Variants in FMN1 observed in about 807,000 individuals in gnomAD.
The protein encoded by FMN1 is formin-1.
A neutral mutation model predicts 132.4 loss-of-function variants in FMN1; 110 were observed. The observed-to-expected ratio is 0.83, with a 90% CI of 0.71 to 0.97. FMN1 has a LOEUF of 0.97. FMN1 is among the 50% of genes least tolerant of loss of function. FMN1 has a pLI of 0.00. For synonymous variants in FMN1, 722 were observed against 651.7 expected, an observed-to-expected ratio of 1.11 and a Z score of -1.64; for missense variants, 1,792 against 1,705.3, an observed-to-expected ratio of 1.05 and a Z score of -0.90.
chr15:33,058,498 T>C (rs755976058), intron 6 of FMN1, among the ~76,000 whole-genome samples: 202 of 152,336 alleles, frequency 1.3e-3, no homozygotes, highest in Admixed American at 2.2e-3. Context: ...CAATGAACGG[T>C]AGTTGAATGA....
intron 3 of FMN1, among the ~76,000 whole-genome samples, chr15:33,171,202 C>A (rs1965309206): frequency 6.6e-6 from 1 of 152,014 alleles, no homozygotes; most frequent in Non-Finnish European, 1.5e-5. Flanking sequence ...TTATAGTTTC[C>A]AGAGACTGAG....
At chr15:32,981,908 C>CCTTT (rs2032706365) in intron 7 of FMN1, among the ~76,000 whole-genome samples, 3 of 152,144 alleles carry the variant, frequency 2.0e-5, no homozygotes, top group African/African-American at 7.2e-5. Flanking sequence ...TTAGACAGAC[C>CCTTT]CTTTCACAAT....
chr15:33,174,753 C>CA (rs538053235), intron 3 of FMN1, among the ~76,000 whole-genome samples: 4 of 152,112 alleles, frequency 2.6e-5, no homozygotes, highest in Admixed American at 6.5e-5. Context: ...GTTGCCAGCT[C>CA]CCATACTGTG....
intron 9 of FMN1, among the ~76,000 whole-genome samples, chr15:32,949,742 A>C (rs2061583583): frequency 1.3e-5 from 2 of 151,670 alleles, no homozygotes; most frequent in African/African-American, 4.8e-5. Flanking sequence ...ACACAGCAAA[A>C]GAAACTATCA....
At chr15:33,168,425 A>G (rs750380056) in intron 3 of FMN1, among the ~76,000 whole-genome samples, 1 of 152,220 alleles carries the variant, frequency 6.6e-6, no homozygotes, top group African/African-American at 2.4e-5. Flanking sequence ...AAAACACATA[A>G]TGTTTGCAAA....
rs1310590380 is a variant in FMN1, at chr15:32,975,078, T to TA, written c.2224-5602dup. On this transcript the variant is annotated intron_variant, in intron 7 of 20. Transcript: ENST00000616417. The stretch of plus-strand genomic sequence containing the variant: ...TTTCACACATGCTGTTTCATCTACT[T>TA]AGAGAACCTTTTATCCATTTTCGCC... Among the ~76,000 whole-genome samples the TA allele has an allele frequency of 3.9e-5, 6 of 152,332 alleles. 1 individual carries two copies. The East Asian group carries it at 9.6e-4, about 24-fold the overall frequency.
At chr15:33,168,423 T>G (rs570459006) in intron 3 of FMN1, among the ~76,000 whole-genome samples, 1 of 152,256 alleles carries the variant, frequency 6.6e-6, no homozygotes, top group East Asian at 1.9e-4. Flanking sequence ...AAAAAACACA[T>G]AATGTTTGCA....
chr15:32,858,894 A>G (rs768779974), intron 16 of FMN1, among the ~76,000 whole-genome samples: 1 of 152,176 alleles, frequency 6.6e-6, no homozygotes, highest in African/African-American at 2.4e-5. Context: ...TCTGTGGCCA[A>G]ATGGTAAGTA....
chr15:33,118,305 C>T (rs549937613), intron 4 of FMN1, among the ~76,000 whole-genome samples: 114 of 152,100 alleles, frequency 7.5e-4, no homozygotes, highest in Non-Finnish European at 1.4e-3. Flanking sequence ...GTTTAACATC[C>T]AGTCCATTTG....
intron 16 of FMN1, among the ~76,000 whole-genome samples, chr15:32,887,031 A>T (rs1393567300): frequency 1.3e-5 from 2 of 152,220 alleles, no homozygotes; most frequent in Non-Finnish European, 2.9e-5. Context: ...AAAATAATAT[A>T]CAAGATAAAA....
At chr15:32,971,191 T>C (rs776511423) in intron 7 of FMN1, among the ~76,000 whole-genome samples, 1 of 152,246 alleles carries the variant, frequency 6.6e-6, no homozygotes, top group Non-Finnish European at 1.5e-5. Context: ...TATAAAATAG[T>C]AGGCATTATG....
chr15:33,121,334 C>T (rs917761109), intron 4 of FMN1, among the ~76,000 whole-genome samples: 3 of 152,178 alleles, frequency 2.0e-5, no homozygotes, highest in African/African-American at 7.2e-5. Flanking sequence ...GACCACATGG[C>T]GGATTCAGGG....
At chr15:33,017,849 G>A (rs2035152204) in intron 6 of FMN1, among the ~76,000 whole-genome samples, 2 of 152,172 alleles carry the variant, frequency 1.3e-5, no homozygotes, top group Admixed American at 1.3e-4. Flanking sequence ...CGGATTTCCT[G>A]AGGTCAGGAG....
At chr15:33,186,966 G>A (rs1288023510) in intron 2 of FMN1, among the ~76,000 whole-genome samples, 1 of 152,022 alleles carries the variant, frequency 6.6e-6, no homozygotes, top group Non-Finnish European at 1.5e-5. Flanking sequence ...ATTCCATCTG[G>A]CCCACCTTGG....
intron 4 of FMN1, among the ~76,000 whole-genome samples, chr15:33,092,809 T>G (rs766053799): frequency 2.6e-5 from 4 of 152,224 alleles, no homozygotes; most frequent in Admixed American, 1.3e-4. Flanking sequence ...TTAAACCTTT[T>G]CAGCTGAGGG....
chr15:33,160,535 A>G (rs1414126926), intron 3 of FMN1, among the ~76,000 whole-genome samples: 4 of 152,124 alleles, frequency 2.6e-5, no homozygotes, highest in Admixed American at 6.5e-5. Flanking sequence ...AACCAGAGGA[A>G]AAAGAGCAGT....
At position 32,771,325 on chromosome 15, in the gene FMN1, C is replaced by G. The variant is rs1303051162; in HGVS notation, c.*2985G>C. 3.3e-5 allele frequency: 5 copies of G among 151,272 alleles called. No homozygotes were observed. The highest frequency in any genetic ancestry group is 1.2e-4 in the African/African-American group (5 of 41,038). 9.4% of individuals were successfully genotyped at this position (151,272 alleles called of 1,614,324 possible). ...AATCTCCTGACCTCGTGATCCGCCC[C>G]CGCTTGGCCTCCCAAAGTGCTGGGA... On this transcript the variant is annotated 3_prime_UTR_variant, in exon 21 of 21. Coordinates refer to ENST00000616417, the MANE Select transcript of FMN1 (RefSeq NM_001277313.2).
At chr15:32,918,465 A>G (rs907806595) in intron 10 of FMN1, among the ~76,000 whole-genome samples, 12 of 152,212 alleles carry the variant, frequency 7.9e-5, no homozygotes, top group Non-Finnish European at 1.3e-4. Flanking sequence ...GAAATGGACA[A>G]TCGCAAAAGG....
In FMN1 at chr15:32,987,855, GTCTT is replaced by G. The variant is rs143234776; in HGVS notation, c.2224-18382_2224-18379del. Reference sequence around the variant, plus strand: ...TTGGAGCTCATAAAAGGGGAAACATGTCTTTCTGTCGTTGAGTATAATTTAGTTT... The same window carrying G: ...TTGGAGCTCATAAAAGGGGAAACATGTCTGTCGTTGAGTATAATTTAGTTT... On this transcript the variant is annotated intron_variant, in intron 7 of 20. Transcript: ENST00000616417. Among the ~76,000 whole-genome samples the G allele has an allele frequency of 4.0e-4, 61 of 152,212 alleles. No homozygotes were observed. In the East Asian group the frequency reaches 8.1e-3, roughly 20 times the overall value.
Sources: allele counts gnomAD v4.1 joint callset (sites outside exome capture counted in the v4.1 genomes callset), GRCh38; gene constraint gnomAD v4.1.1; transcripts MANE v1.5; gene names NCBI Gene and HGNC (gene_info 2026-07-23, HGNC 2026-07-21).